COL20A1: variants seen among roughly 807,000 people sequenced by gnomAD.
COL20A1 encodes collagen type XX alpha 1 chain, also known as collagen alpha-1(XX) chain.
COL20A1 carries 164 observed loss-of-function variants against 152.9 expected under a neutral mutation model. The observed-to-expected ratio is 1.07, with a 90% confidence interval of 0.94 to 1.22. The LOEUF (loss-of-function observed/expected upper bound fraction) is 1.22, where lower values mean the gene tolerates loss of function less well. COL20A1 is among the 50% of genes most tolerant of loss of function. The probability of loss-of-function intolerance (pLI) is 0.00; values close to 1 mark genes in which losing one functional copy is unlikely to be tolerated. For synonymous variants in COL20A1, 864 were observed against 756.0 expected (o/e 1.14, Z -2.34); for missense variants, 1,873 against 1,744.8 (o/e 1.07, Z -1.31).
chr20:63,309,449 C>T lies in COL20A1; in HGVS notation c.1057C>T (p.Arg353Cys), dbSNP rs765786186. ...CGGCGCGCTGGCTGGCCTGCTCAGCCGTCTCATCTGCCAGAGGCTCCAGGG... is the reference window on the plus strand; with the variant it reads ...CGGCGCGCTGGCTGGCCTGCTCAGCTGTCTCATCTGCCAGAGGCTCCAGGG... ...QLGALAGLLS[R>C]LICQRLQGGS... The change falls in exon 9 of 36, where the codon CGT (arginine) becomes TGT (cysteine). Residue 353 changes from arginine (R) to cysteine (C), a missense_variant. By Grantham distance (180) the Arg-to-Cys change is radical (BLOSUM62 -3). Transcript: ENST00000358894. 1.7e-5 allele frequency: 26 copies of T among 1,540,310 alleles called. No individual in the cohort carries two copies. The highest frequency in any genetic ancestry group is 5.0e-5 in the East Asian group (2 of 40,304).
chr20:63,308,127 G>A (rs765004594), intron 7 of COL20A1, 37 bp downstream of exon 7: 34 of 1,583,270 alleles, frequency 2.1e-5, no homozygotes, highest in African/African-American at 3.5e-5. Flanking sequence ...TGTCCTGAGG[G>A]CGGACCTCCT....
chr20:63,323,496 G>A (rs1162549849), intron 27 of COL20A1, among the ~76,000 whole-genome samples: 1 of 152,192 alleles, frequency 6.6e-6, no homozygotes, highest in Admixed American at 6.5e-5. Flanking sequence ...GACACTCCCA[G>A]GTGGATTCGT....
rs372012698 is a variant in COL20A1 at position 63,306,588 on chromosome 20, CAGCCGGCCCCAGGCGTGGAGAGGTAG to C, written c.496+554_496+579del. On this transcript the variant is annotated intron_variant, in intron 5 of 35. Transcript: ENST00000358894. This position sits in a 1 kb window ranked among gnomAD's most constrained non-coding sequence, Gnocchi z 6.9. ...GGGGCCCTGGAGGGAGGGCCCTGCC[CAGCCGGCCCCAGGCGTGGAGAGGTAG>C]AGCCACACCAGGACAGAAGAGAAGC... Among the ~76,000 whole-genome samples, 724 of 152,264 alleles carry C rather than the reference CAGCCGGCCCCAGGCGTGGAGAGGTAG, an allele frequency of 4.8e-3. 5 individuals are homozygous for C. The highest frequency in any genetic ancestry group is 0.017 in the African/African-American group (687 of 41,546).
Position 63,316,706 on chromosome 20 carries a change from G to A in COL20A1, c.2663+15G>A, listed in dbSNP as rs374657754. The A allele has an allele frequency of 1.2e-5, 18 of 1,522,824 alleles. No homozygotes were observed. In the African/African-American group the frequency reaches 2.5e-4, roughly 21 times the overall value. 94.3% of individuals were successfully genotyped at this position (1,522,824 alleles called of 1,614,324 possible). A position where few individuals can be genotyped will look rare whatever the true frequency, so the allele number is the denominator to read the frequency against. On this transcript the variant is annotated intron_variant, in intron 21 of 35. Transcript: ENST00000358894. ...AGACGGGTCAGGTGTGAGGGCAAGGGCTGGGGTGGAGCTGGAAGCCCAGGC... is the reference window on the plus strand; with the variant it reads ...AGACGGGTCAGGTGTGAGGGCAAGGACTGGGGTGGAGCTGGAAGCCCAGGC...
In COL20A1 at chr20:63,311,574, G is replaced by A; in HGVS notation, c.1539+35G>A. 1.9e-6 allele frequency: 3 copies of A among 1,609,878 alleles called. No individual in the cohort carries two copies. The highest frequency in any genetic ancestry group is 2.5e-6 in the Non-Finnish European group (3 of 1,179,136). On this transcript the variant is annotated intron_variant, in intron 12 of 35. Transcript: ENST00000358894. This position sits in a 1 kb window ranked among gnomAD's most constrained non-coding sequence, Gnocchi z 4.4. ...GCCGGGGGGTGGCGGGGGAGGCAGA[G>A]GAGTGGGGCAGAGCGAGTGGGGGCT...
chr20:63,307,842 TG>T, intron 6 of COL20A1, 128 bp from the exon 7 acceptor site: 2 of 1,268,580 alleles, frequency 1.6e-6, no homozygotes, highest in Non-Finnish European at 2.2e-6. Flanking sequence ...GTCCTCTCCC[TG>T]GGGACTGGCT....
intron 34 of COL20A1, 33 bp from the exon 35 acceptor site, chr20:63,329,552 C>G (rs761204233): frequency 6.3e-7 from 1 of 1,575,892 alleles, no homozygotes; most frequent in Non-Finnish European, 8.7e-7. Context: ...CACTGCATTG[C>G]TCCGTCCTCA....
In COL20A1 at chr20:63,329,363, C is replaced by T. The variant is rs1381056486; in HGVS notation, c.3782-222C>T. On this transcript the variant is annotated intron_variant, in intron 34 of 35. Transcript: ENST00000358894. The stretch of plus-strand genomic sequence containing the variant: ...CACAGGGCCCCCACCTGACGCCTTC[C>T]CACCTGGCCATGCCCCCCCAGAACT... 13 of 581,198 alleles carry T rather than the reference C, an allele frequency of 2.2e-5. No homozygotes were observed. The South Asian group carries it at 2.5e-4, about 11-fold the overall frequency. 36.0% of individuals were successfully genotyped at this position (581,198 alleles called of 1,614,324 possible).
chr20:63,298,180 T>C (rs2067822940), intron 3 of COL20A1, among the ~76,000 whole-genome samples, 160 bp downstream of exon 3: 1 of 152,090 alleles, frequency 6.6e-6, no homozygotes, highest in South Asian at 2.1e-4. Context: ...CACATTCCTT[T>C]CCCCCGTCAC....
In COL20A1 at chr20:63,333,013, C is replaced by T. The variant is rs938576976; in HGVS notation, c.*2297C>T. On this transcript the variant is annotated 3_prime_UTR_variant, in exon 36 of 36. Transcript: ENST00000358894. ...CCATCAGCCCCGACTCCACCGCATC[C>T]CTCTGGGTCCTTTTAGGAGCCCCCA... The T allele has an allele frequency of 6.6e-6, 1 of 152,224 alleles. No homozygotes were observed. Among genetic ancestry groups the T allele is most frequent in the African/African-American group, 2.4e-5 (1 of 41,448 alleles). 9.4% of individuals were successfully genotyped at this position (152,224 alleles called of 1,614,324 possible).
At chr20:63,317,202 C>G in intron 21 of COL20A1, among the ~76,000 whole-genome samples, 1 of 152,148 alleles carries the variant, frequency 6.6e-6, no homozygotes, top group East Asian at 1.9e-4. Context: ...AAGGCGGAAG[C>G]CAGGTGTGGT....
intron 3 of COL20A1, among the ~76,000 whole-genome samples, chr20:63,301,330 C>T (rs1021915739): frequency 4.6e-5 from 7 of 152,190 alleles, no homozygotes; most frequent in South Asian, 2.1e-4. Flanking sequence ...AAAAGTACCT[C>T]GCTTTATGGT....
Position 63,308,658 on chromosome 20 carries a change from A to C in COL20A1, c.892A>C (p.Thr298Pro). The C allele has an allele frequency of 6.2e-7, 1 of 1,607,898 alleles. No individual in the cohort carries two copies. The highest frequency in any genetic ancestry group is 8.5e-7 in the Non-Finnish European group (1 of 1,177,688). ...CGGCAAGTCCCAGGACGATGTGCAC[A>C]CTGCTGCCCGTGTCCTCAAGGACCT... The part of the protein sequence containing the change: ...TDGKSQDDVH[T>P]AARVLKDLGV... The change falls in exon 8 of 36, where the codon ACT becomes CCT. Residue 298 changes from threonine to proline, a missense_variant. Physicochemically the swap from Thr to Pro is conservative, Grantham distance 38 (BLOSUM62 -1). Transcript: ENST00000358894.
chr20:63,311,519 G>A lies in COL20A1; in HGVS notation c.1519G>A (p.Gly507Ser). The change falls in exon 12 of 36, where the codon GGT (glycine) becomes AGT (serine). Residue 507 changes from glycine to serine, a missense_variant. Coordinates refer to ENST00000358894, the MANE Select transcript of COL20A1 (RefSeq NM_020882.4). The surrounding 1 kb of genome is among the most constrained non-coding windows in gnomAD (Gnocchi z 4.4). Reference protein sequence around the residue: ...LVRCSPASPKGEEEEREVQVG... With the variant: ...LVRCSPASPKSEEEEREVQVG... ...GCGATGTTCTCCTGCTTCCCCCAAGGGTGAAGAGGAGGAGCGAGAGGTGAG... is the reference window on the plus strand; with the variant it reads ...GCGATGTTCTCCTGCTTCCCCCAAGAGTGAAGAGGAGGAGCGAGAGGTGAG... The A allele has an allele frequency of 6.3e-7, 1 of 1,592,292 alleles. No homozygotes were observed. The highest frequency in any genetic ancestry group is 8.5e-7 in the Non-Finnish European group (1 of 1,170,082).
chr20:63,293,985 C>G (rs905222500), intron 1 of COL20A1, among the ~76,000 whole-genome samples: 1 of 145,866 alleles, frequency 6.9e-6, no homozygotes, highest in East Asian at 2.1e-4. Context: ...GAACCAGGGC[C>G]TGCACTCAAG....
At position 63,317,953 on chromosome 20, in the gene COL20A1, C is replaced by T. The variant is rs79373062; in HGVS notation, c.2664-1105C>T. The stretch of plus-strand genomic sequence containing the variant: ...GGGTGGGTGAGGTGGGAGCTCTGAT[C>T]GCCTGCAGCCCGAGGCAGCTTCAAG... On this transcript the variant is annotated intron_variant, in intron 21 of 35. Coordinates refer to ENST00000358894, the MANE Select transcript of COL20A1 (RefSeq NM_020882.4). 4.8e-3 allele frequency among the ~76,000 whole-genome samples: 737 copies of T among 152,220 alleles called. 8 individuals carry two copies. Among genetic ancestry groups the T allele is most frequent in the African/African-American group, 0.017 (708 of 41,526 alleles).
intron 19 of COL20A1, among the ~76,000 whole-genome samples, chr20:63,315,009 T>C (rs927749827): frequency 4.1e-5 from 6 of 145,956 alleles, no homozygotes; most frequent in African/African-American, 1.5e-4. Context: ...GGCATCTCCC[T>C]GGCCCCCAGG....
chr20:63,300,519 C>T (rs1472040678), intron 3 of COL20A1, among the ~76,000 whole-genome samples: 5 of 152,116 alleles, frequency 3.3e-5, no homozygotes, highest in Admixed American at 6.5e-5. Flanking sequence ...CATATTACCC[C>T]ATAGACTCTA....
intron 1 of COL20A1, among the ~76,000 whole-genome samples, chr20:63,294,158 G>GCC: frequency 5.8e-5 from 1 of 17,326 alleles, no homozygotes; most frequent in Admixed American, 4.1e-4. Flanking sequence ...GGGGAGTGCG[G>GCC]GGGGAGGGGA....
Sources: gnomAD v4.1 joint callset for allele counts (sites outside exome capture counted in the v4.1 genomes callset) on GRCh38, gnomAD v4.1.1 for gene constraint, Gnocchi (gnomAD v3.1) non-coding constraint, MANE v1.5 for transcripts, NCBI Gene and HGNC (gene_info 2026-07-23, HGNC 2026-07-21) for gene names.